The following SIGLEC15 variants were observed in gnomAD, a reference collection of about 807,000 sequenced individuals.
SIGLEC15 encodes sialic acid binding Ig like lectin 15, also known as sialic acid-binding Ig-like lectin 15.
Under a neutral mutation model 26.2 loss-of-function variants are expected in SIGLEC15, and 31 were observed. That is an observed-to-expected ratio of 1.18 (90% CI 0.89 to 1.60). The LOEUF is 1.60. Ranked by LOEUF, SIGLEC15 falls within the 40% of genes most tolerant of loss-of-function variation. The probability of loss-of-function intolerance (pLI) is 0.00; values close to 1 mark genes in which losing one functional copy is unlikely to be tolerated. For synonymous variants in SIGLEC15, 207 were observed against 221.9 expected (o/e 0.93, Z 0.60); for missense variants, 501 against 488.4 (o/e 1.03, Z -0.24).
At chr18:45,827,696 C>A (rs1442959102) in intron 1 of SIGLEC15, among the ~76,000 whole-genome samples, 1 of 152,232 alleles carries the variant, frequency 6.6e-6, no homozygotes, top group Non-Finnish European at 1.5e-5. Flanking sequence ...CAGCACAGCT[C>A]CTGGCCCTCA....
chr18:45,839,011 G>A lies in SIGLEC15; in HGVS notation c.790G>A (p.Val264Ile). 6.3e-7 allele frequency: 1 copy of A among 1,590,762 alleles called. No homozygotes were observed. The highest frequency in any genetic ancestry group is 8.5e-7 in the Non-Finnish European group (1 of 1,174,676). The change falls in exon 4 of 6, where the codon GTC (valine) becomes ATC (isoleucine). Residue 264 changes from valine (V) to isoleucine (I), a missense_variant. Physicochemically the swap from Val to Ile is conservative, Grantham distance 29. Transcript: ENST00000389474. ...RFHGASGAST[V>I]ALLLGALGFK... is the part of the protein sequence containing the mutation. Reference sequence around the variant, plus strand: ...CCATGGCGCCAGCGGGGCCTCGACGGTCGCCCTCCTGCTCGGCGCTCTCGG... The same window carrying A: ...CCATGGCGCCAGCGGGGCCTCGACGATCGCCCTCCTGCTCGGCGCTCTCGG...
intron 2 of SIGLEC15, among the ~76,000 whole-genome samples, 168 bp downstream of exon 2, chr18:45,837,256 C>G (rs2048282801): frequency 6.6e-6 from 1 of 152,170 alleles, no homozygotes; most frequent in Admixed American, 6.5e-5. Context: ...GGGAATAGTC[C>G]CAGGGAAGAG....
chr18:45,840,264 C>T (rs2048314185), intron 5 of SIGLEC15, 23 bp downstream of exon 5: 3 of 1,607,296 alleles, frequency 1.9e-6, no homozygotes, highest in Non-Finnish European at 2.5e-6. Flanking sequence ...CCCGCCTCCA[C>T]CCTACCCTAC....
chr18:45,838,795 G>C lies in SIGLEC15; in HGVS notation c.574G>C (p.Glu192Gln). Residue 192 changes from glutamate (E) to glutamine (Q), a missense_variant, in exon 4 of 6, where the codon GAG becomes CAG. By Grantham distance (29) the Glu-to-Gln change is conservative. Coordinates refer to ENST00000389474, the MANE Select transcript of SIGLEC15 (RefSeq NM_213602.3). ...AFRALCTAEG[E>Q]PPPALAWSGP... is the part of the protein sequence containing the mutation. ...CCGCGCGCTCTGCACTGCCGAAGGG[G>C]AGCCGCCGCCCGCCCTCGCCTGGTC... is the stretch of plus-strand genomic sequence containing the variant. The C allele has an allele frequency of 1.3e-6, 2 of 1,560,868 alleles. No individual in the cohort carries two copies. Among genetic ancestry groups the C allele is most frequent in the South Asian group, 1.2e-5 (1 of 86,250 alleles).
chr18:45,830,372 G>A (rs1300677512), intron 1 of SIGLEC15, among the ~76,000 whole-genome samples: 1 of 152,200 alleles, frequency 6.6e-6, no homozygotes, highest in Non-Finnish European at 1.5e-5. Context: ...CTGCTCCCTA[G>A]TGGGATCATG....
At chr18:45,832,767 A>ACAG in intron 1 of SIGLEC15, among the ~76,000 whole-genome samples, 1 of 152,206 alleles carries the variant, frequency 6.6e-6, no homozygotes, top group Non-Finnish European at 1.5e-5. Flanking sequence ...ATAAGCTGCC[A>ACAG]GAGGGAATTG....
In SIGLEC15 at chr18:45,837,836, T is replaced by C. The variant is rs904710065; in HGVS notation, c.436T>C (p.Phe146Leu). 6.5e-7 allele frequency: 1 copy of C among 1,535,546 alleles called. No homozygotes were observed. The highest frequency in any genetic ancestry group is 8.7e-7 in the Non-Finnish European group (1 of 1,151,386). ...DDRRYFCRVEFAGDVHDRYES... is the reference protein window; with the variant it reads ...DDRRYFCRVELAGDVHDRYES... ...CCGCCGCTACTTCTGCCGCGTCGAG[T>C]TCGCCGGCGACGTCCATGACCGCTA... The change falls in exon 3 of 6, where the codon TTC (phenylalanine) becomes CTC (leucine). Residue 146 changes from phenylalanine (F) to leucine (L), a missense_variant. By Grantham distance (22) the Phe-to-Leu change is conservative. Transcript: ENST00000389474.
At chr18:45,840,082 A>G in intron 4 of SIGLEC15, 129 bp from the exon 5 acceptor site, 1 of 952,922 alleles carries the variant, frequency 1.0e-6, no homozygotes, top group South Asian at 1.6e-5. Context: ...ACACCCTGCT[A>G]GTCTGCTGTT....
At chr18:45,841,724 C>T (rs187059196) in intron 5 of SIGLEC15, among the ~76,000 whole-genome samples, 93 of 152,128 alleles carry the variant, frequency 6.1e-4, no homozygotes, top group African/African-American at 2.2e-3. Context: ...GAGAGTGGGG[C>T]GGGTGTGAGG....
intron 1 of SIGLEC15, among the ~76,000 whole-genome samples, chr18:45,836,061 G>A (rs1194217911): frequency 1.3e-5 from 2 of 152,230 alleles, no homozygotes; most frequent in African/African-American, 4.8e-5. Context: ...CCCGACCTGT[G>A]ATTATTCATA....
chr18:45,838,687 T>C (rs2048296738), intron 3 of SIGLEC15, 31 bp from the exon 4 acceptor site: 2 of 1,535,800 alleles, frequency 1.3e-6, no homozygotes, highest in East Asian at 2.4e-5. Context: ...AGGGGTGCCC[T>C]TGTGACAGTC....
chr18:45,836,408 G>A (rs2048276352), intron 1 of SIGLEC15, among the ~76,000 whole-genome samples: 1 of 140,868 alleles, frequency 7.1e-6, no homozygotes. Flanking sequence ...GCACCCTGGG[G>A]CACCGGCTGG....
At position 45,839,001 on chromosome 18, in the gene SIGLEC15, G is replaced by A. The variant is rs768404268; in HGVS notation, c.780G>A (p.Gly260=). ...VYLFRFHGAS[G]ASTVALLLGA... ...TGTTCCGCTTCCATGGCGCCAGCGG[G>A]GCCTCGACGGTCGCCCTCCTGCTCG... The change falls in exon 4 of 6, where the codon GGG becomes GGA. Residue 260 remains glycine, a synonymous_variant. Coordinates refer to ENST00000389474, the MANE Select transcript of SIGLEC15 (RefSeq NM_213602.3). 9 of 1,594,524 alleles carry A rather than the reference G, an allele frequency of 5.6e-6. No homozygotes were observed. The highest frequency in any genetic ancestry group is 7.7e-6 in the Non-Finnish European group (9 of 1,175,888).
At chr18:45,836,578 G>C (rs2048277834) in intron 1 of SIGLEC15, among the ~76,000 whole-genome samples, 1 of 152,204 alleles carries the variant, frequency 6.6e-6, no homozygotes, top group African/African-American at 2.4e-5. Context: ...TCTGCTTCCA[G>C]ACCCTGGCTC....
intron 1 of SIGLEC15, among the ~76,000 whole-genome samples, chr18:45,826,056 A>C (rs184998761): frequency 1.3e-5 from 2 of 152,310 alleles, no homozygotes; most frequent in African/African-American, 4.8e-5. Flanking sequence ...CATTGCTGCG[A>C]GCATCCAGAG....
rs753076642 is a variant in SIGLEC15 at position 45,838,976 on chromosome 18, T to C, written c.755T>C (p.Leu252Pro). The change falls in exon 4 of 6, where the codon CTG becomes CCG. Residue 252 changes from leucine to proline, a missense_variant. Transcript: ENST00000389474. ...GGCCGCTCCGAGGCCAGCGTCTACC[T>C]GTTCCGCTTCCATGGCGCCAGCGGG... ...SLGRSEASVY[L>P]FRFHGASGAS... is the part of the protein sequence containing the mutation. 2.5e-6 allele frequency: 4 copies of C among 1,601,770 alleles called. No individual in the cohort carries two copies. The Admixed American group carries it at 5.0e-5, about 20-fold the overall frequency.
chr18:45,839,539 T>C (rs897525956), intron 4 of SIGLEC15, among the ~76,000 whole-genome samples: 4 of 151,978 alleles, frequency 2.6e-5, no homozygotes, highest in African/African-American at 9.7e-5. Context: ...TGCTGAGCGG[T>C]AGACAGATCA....
At chr18:45,841,474 C>T (rs4890303) in intron 5 of SIGLEC15, among the ~76,000 whole-genome samples, 99,634 of 151,714 alleles carry the variant, frequency 0.66, 33,333 homozygotes, top group East Asian at 0.9. Context: ...TTTAAGCGGA[C>T]GCATGGCTCC....
At chr18:45,829,001 G>A in intron 1 of SIGLEC15, 1 of 767,554 alleles carries the variant, frequency 1.3e-6, no homozygotes, top group South Asian at 5.8e-5. Context: ...CTTGAACTGA[G>A]GAAGTCCTAT....
Sources: gnomAD v4.1 joint callset for allele counts (sites outside exome capture counted in the v4.1 genomes callset) on GRCh38, gnomAD v4.1.1 for gene constraint, MANE v1.5 for transcripts, NCBI Gene and HGNC (gene_info 2026-07-23, HGNC 2026-07-21) for gene names.